ACBD6: variants seen among roughly 807,000 people sequenced by gnomAD.
ACBD6 encodes the protein acyl-CoA-binding domain-containing protein 6.
In ACBD6, 28 loss-of-function variants were observed where a neutral mutation model predicts 37.2. The observed-to-expected ratio is 0.75, with a 90% CI of 0.56 to 1.03. The LOEUF is 1.03. ACBD6 is among the 50% of genes least tolerant of loss of function. ACBD6 has a pLI of 0.00. For missense variants in ACBD6, 340 were observed against 337.4 expected (o/e 1.01, Z -0.06); for synonymous variants, 113 against 126.8 (o/e 0.89, Z 0.73).
At chr1:180,375,949 T>C (rs755972728) in intron 6 of ACBD6, among the ~76,000 whole-genome samples, 1 of 152,254 alleles carries the variant, frequency 6.6e-6, no homozygotes, top group Admixed American at 6.5e-5. Context: ...AAAGGGTTAA[T>C]ATCCATGGTA....
intron 5 of ACBD6, among the ~76,000 whole-genome samples, chr1:180,402,255 G>C (rs138354252): frequency 2.5e-3 from 378 of 152,192 alleles, no homozygotes; most frequent in African/African-American, 8.8e-3. Context: ...CCTGTCCATA[G>C]TGAAATGACA....
At chr1:180,398,916 T>G (rs1654365611) in intron 5 of ACBD6, among the ~76,000 whole-genome samples, 1 of 152,224 alleles carries the variant, frequency 6.6e-6, no homozygotes, top group African/African-American at 2.4e-5. Context: ...TGATTTAAAG[T>G]AAAAAGCACC....
chr1:180,451,957 CT>C (rs1354138569), intron 3 of ACBD6, among the ~76,000 whole-genome samples: 1 of 152,276 alleles, frequency 6.6e-6, no homozygotes, highest in East Asian at 1.9e-4. Context: ...AAAGACTATA[CT>C]TTCAGGGGTC....
chr1:180,480,579 C>T (rs1018429770), intron 3 of ACBD6, among the ~76,000 whole-genome samples: 9 of 152,046 alleles, frequency 5.9e-5, no homozygotes, highest in Admixed American at 2.0e-4. Context: ...TCTGAAGTGC[C>T]AATGCAACAC....
chr1:180,493,051 C>T (rs1011055992), intron 2 of ACBD6, among the ~76,000 whole-genome samples: 1 of 151,814 alleles, frequency 6.6e-6, no homozygotes, highest in African/African-American at 2.4e-5. Context: ...GAGTTTGAGA[C>T]CAGCCTGGCC....
At chr1:180,303,073 A>G (rs1299997562) in intron 7 of ACBD6, among the ~76,000 whole-genome samples, 9 of 151,876 alleles carry the variant, frequency 5.9e-5, no homozygotes, top group African/African-American at 1.9e-4. Context: ...CAAAGACACA[A>G]CATACCAGAA....
At chr1:180,394,332 C>A (rs1339319951) in intron 6 of ACBD6, among the ~76,000 whole-genome samples, 1 of 151,874 alleles carries the variant, frequency 6.6e-6, no homozygotes, top group African/African-American at 2.4e-5. Context: ...TCAAGTGATC[C>A]TCCTGACTCA....
At chr1:180,278,838 G>T (rs76641730) in intron 9 of ACBD6, 4 of 146,728 alleles carry the variant, frequency 2.7e-5, no homozygotes. Context: ...AAGAAAAAAA[G>T]AAAAAAAAAA....
intron 3 of ACBD6, among the ~76,000 whole-genome samples, chr1:180,463,494 G>A (rs762203053): frequency 2.6e-5 from 4 of 151,946 alleles, no homozygotes; most frequent in Non-Finnish European, 5.9e-5. Flanking sequence ...ACTCTCCCCA[G>A]AATGAACCAG....
At position 180,479,805 on chromosome 1, in the gene ACBD6, T is replaced by A. The variant is rs1005903411; in HGVS notation, c.384+12464A>T. On this transcript the variant is annotated intron_variant, in intron 3 of 7. Transcript: ENST00000367595. ...GAGTTCGAGACTGGCCTGGGCAACA[T>A]GGCGAAACCCTGTCCCTATTAAAAA... Among the ~76,000 whole-genome samples, 8 of 152,024 alleles carry A rather than the reference T, an allele frequency of 5.3e-5. No homozygotes were observed. In the South Asian group the frequency reaches 1.5e-3, roughly 28 times the overall value.
chr1:180,372,899 C>G lies in ACBD6; in HGVS notation c.663+24617G>C, dbSNP rs146270065. Among the ~76,000 whole-genome samples, 157 of 152,218 alleles carry G rather than the reference C, an allele frequency of 1.0e-3. 1 individual carries two copies. Among genetic ancestry groups the G allele is most frequent in the Admixed American group, 5.0e-3 (76 of 15,290 alleles). On this transcript the variant is annotated intron_variant, in intron 6 of 7. Transcript: ENST00000367595. ...TCACTATAAGCTACTTGTATCCAAG[C>G]CAGATATTTATTGCTATTGATCTGC...
chr1:180,334,863 T>C (rs1333289154), intron 6 of ACBD6, among the ~76,000 whole-genome samples: 1 of 152,120 alleles, frequency 6.6e-6, no homozygotes, highest in Non-Finnish European at 1.5e-5. Flanking sequence ...ACGTGACGAA[T>C]GCACAAGCCT....
At chr1:180,301,115 GA>G (rs1287495406) in intron 7 of ACBD6, among the ~76,000 whole-genome samples, 1 of 152,138 alleles carries the variant, frequency 6.6e-6, no homozygotes, top group Non-Finnish European at 1.5e-5. Context: ...AACATTTGTA[GA>G]AAAGGCTAAA....
intron 1 of ACBD6, among the ~76,000 whole-genome samples, chr1:180,498,340 A>G (rs936513893): frequency 3.3e-5 from 5 of 152,220 alleles, no homozygotes; most frequent in African/African-American, 1.2e-4. Context: ...CATTTTTAAG[A>G]AACTACCTGC....
rs1251181938 is a variant in ACBD6, at chr1:180,415,392, G to A, written c.468-1921C>T. On this transcript the variant is annotated intron_variant, in intron 4 of 7. Coordinates refer to ENST00000367595, the MANE Select transcript of ACBD6 (RefSeq NM_032360.4). ...AGCCTGGGTGACAGAGCAAGACTAA[G>A]TCTCAAACAAACAAACAAACACACG... 1.3e-5 allele frequency among the ~76,000 whole-genome samples: 2 copies of A among 151,404 alleles called. 1 individual carries two copies. Among genetic ancestry groups the A allele is most frequent in the Admixed American group, 1.3e-4 (2 of 15,182 alleles).
chr1:180,317,296 G>A (rs1002206195), intron 6 of ACBD6, among the ~76,000 whole-genome samples: 1 of 152,202 alleles, frequency 6.6e-6, no homozygotes, highest in Non-Finnish European at 1.5e-5. Context: ...ACCTAGAGTA[G>A]TCAAATTCAT....
chr1:180,368,318 T>C (rs921088739), intron 6 of ACBD6, among the ~76,000 whole-genome samples: 1 of 152,186 alleles, frequency 6.6e-6, no homozygotes, highest in Non-Finnish European at 1.5e-5. Context: ...TTTCTCCCAT[T>C]CTATAAGTTG....
At chr1:180,420,512 T>C (rs1648312539) in intron 4 of ACBD6, among the ~76,000 whole-genome samples, 2 of 152,200 alleles carry the variant, frequency 1.3e-5, no homozygotes, top group Admixed American at 6.5e-5. Flanking sequence ...AAGGTCCTTA[T>C]AACCCCCCGA....
At position 180,413,347 on chromosome 1, in the gene ACBD6, C is replaced by T; in HGVS notation, c.573+19G>A. The T allele has an allele frequency of 6.3e-7, 1 of 1,591,084 alleles. No individual in the cohort carries two copies. Among genetic ancestry groups the T allele is most frequent in the Non-Finnish European group, 8.6e-7 (1 of 1,159,640 alleles). ...CAACCATGCATAGGAAAATAATTAA[C>T]AGGGCATGTTTTTCATACCTCTTCA... On this transcript the variant is annotated intron_variant, in intron 5 of 7. Transcript: ENST00000367595.
Sources: allele counts gnomAD v4.1 joint callset (sites outside exome capture counted in the v4.1 genomes callset), GRCh38; gene constraint gnomAD v4.1.1; transcripts MANE v1.5; gene names NCBI Gene and HGNC (gene_info 2026-07-23, HGNC 2026-07-21).